The following PHTF2 variants were observed in gnomAD, a reference collection of about 807,000 sequenced individuals.
PHTF2 encodes putative homeodomain transcription factor 2.
A neutral mutation model predicts 101.2 loss-of-function variants in PHTF2; 60 were observed. The observed-to-expected ratio is 0.59, with a 90% confidence interval of 0.48 to 0.73. The LOEUF is 0.73. Among genes scored for constraint, PHTF2 ranks in the 30% least tolerant of loss-of-function variants. The pLI is 0.00. For missense variants in PHTF2, 747 were observed against 908.7 expected (o/e 0.82, Z 2.29); for synonymous variants, 311 against 307.3 (o/e 1.01, Z -0.13).
At position 77,924,677 on chromosome 7, in the gene PHTF2, C is replaced by G. The variant is rs571933034; in HGVS notation, c.1119+1899C>G. On this transcript the variant is annotated intron_variant, in intron 11 of 19. Coordinates refer to ENST00000416283, the Ensembl canonical transcript of PHTF2. Reference sequence around the variant, plus strand: ...TATTGTAAGATAATGGGTCAGGAACCTAGCCATTTGTTGTAAGCTTCCCAG... The same window carrying G: ...TATTGTAAGATAATGGGTCAGGAACGTAGCCATTTGTTGTAAGCTTCCCAG... Among the ~76,000 whole-genome samples, 11 of 152,226 alleles carry G rather than the reference C, an allele frequency of 7.2e-5. No homozygotes were observed. The East Asian group carries it at 1.9e-3, about 27-fold the overall frequency.
chr7:77,876,641 G>A (rs888691301), intron 3 of PHTF2, among the ~76,000 whole-genome samples: 2 of 152,114 alleles, frequency 1.3e-5, no homozygotes, highest in East Asian at 1.9e-4. Context: ...ATCTGTAATC[G>A]CAGCACTTTG....
chr7:77,821,425 T>A (rs1245202859), intron 1 of PHTF2, among the ~76,000 whole-genome samples: 1 of 152,142 alleles, frequency 6.6e-6, no homozygotes, highest in Admixed American at 6.5e-5. Flanking sequence ...TAAATATGTT[T>A]CCTTACCTTT....
In PHTF2 at chr7:77,910,375, A is replaced by G. The variant is rs1162980376; in HGVS notation, c.742A>G (p.Arg248Gly). 2.5e-6 allele frequency: 4 copies of G among 1,613,496 alleles called. No homozygotes were observed. In the South Asian group the frequency reaches 4.4e-5, roughly 18 times the overall value. Residue 248 changes from arginine to glycine, a missense_variant, in exon 9 of 20, where the codon AGA becomes GGA. Arg to Gly is a moderately radical substitution (Grantham distance 125). This residue lies in a region of PHTF2 where 349 missense variants were observed against 369.7 expected (regional missense o/e 0.94). Coordinates refer to ENST00000416283, the Ensembl canonical transcript of PHTF2. ...CTCTCACAGCGTTGGCACTGTCTTC[A>G]GAGATCTCTGGCATGCTGCTTTCTT...
intron 5 of PHTF2, among the ~76,000 whole-genome samples, chr7:77,899,275 A>G (rs1439036757): frequency 6.6e-6 from 1 of 152,210 alleles, no homozygotes; most frequent in Non-Finnish European, 1.5e-5. Context: ...CACTGTTTAC[A>G]GTAATCAGAG....
At chr7:77,866,000 A>G (rs879510829) in intron 3 of PHTF2, among the ~76,000 whole-genome samples, 1 of 152,084 alleles carries the variant, frequency 6.6e-6, no homozygotes, top group Non-Finnish European at 1.5e-5. Context: ...CCTGGCCAAT[A>G]TGGTGAAACC....
At chr7:77,872,353 T>A (rs938595523) in intron 3 of PHTF2, among the ~76,000 whole-genome samples, 2 of 152,230 alleles carry the variant, frequency 1.3e-5, no homozygotes, top group Non-Finnish European at 2.9e-5. Flanking sequence ...TTTTGACCAC[T>A]CAGAGAGGTC....
chr7:77,830,833 C>T (rs761170604), intron 1 of PHTF2, among the ~76,000 whole-genome samples: 3 of 152,170 alleles, frequency 2.0e-5, no homozygotes, highest in Non-Finnish European at 2.9e-5. Flanking sequence ...ATGCATGACC[C>T]GCCCATTATT....
At chr7:77,822,898 T>G (rs1794403420) in intron 1 of PHTF2, among the ~76,000 whole-genome samples, 1 of 146,014 alleles carries the variant, frequency 6.8e-6, no homozygotes, top group Non-Finnish European at 1.5e-5. Context: ...TTAAAAATAT[T>G]TAAATCTTTT....
At chr7:77,925,744 G>A (rs1171535863) in intron 11 of PHTF2, among the ~76,000 whole-genome samples, 1 of 152,026 alleles carries the variant, frequency 6.6e-6, no homozygotes, top group Non-Finnish European at 1.5e-5. Context: ...ACCACTCCCA[G>A]CCAGAGTTTT....
chr7:77,926,536 A>T (rs1804016398), intron 11 of PHTF2, among the ~76,000 whole-genome samples: 1 of 152,094 alleles, frequency 6.6e-6, no homozygotes, highest in African/African-American at 2.4e-5. Flanking sequence ...TTAATAATGT[A>T]CCTCATTCAC....
At chr7:77,903,985 C>T (rs142584149) in intron 7 of PHTF2, among the ~76,000 whole-genome samples, 79 of 152,286 alleles carry the variant, frequency 5.2e-4, no homozygotes, top group African/African-American at 1.9e-3. Flanking sequence ...ATTCTCAGCT[C>T]TATCCCCATT....
In PHTF2 at chr7:77,854,299, A is replaced by C. The variant is rs117750185; in HGVS notation, c.46-434A>C. Among the ~76,000 whole-genome samples, 1,002 of 152,266 alleles carry C rather than the reference A, an allele frequency of 6.6e-3. 10 individuals are homozygous for C. Among genetic ancestry groups the C allele is most frequent in the Middle Eastern group, 6.8e-3 (2 of 294 alleles). On this transcript the variant is annotated intron_variant, in intron 2 of 19. Transcript: ENST00000416283. Reference sequence around the variant, plus strand: ...TCCTTTCCTTTAGTTTTCACCAAACAAATGGAGTCTCTCTGTCTGCTGAGC... The same window carrying C: ...TCCTTTCCTTTAGTTTTCACCAAACCAATGGAGTCTCTCTGTCTGCTGAGC...
intron 11 of PHTF2, among the ~76,000 whole-genome samples, chr7:77,927,905 T>C (rs1419173468): frequency 6.6e-6 from 1 of 152,156 alleles, no homozygotes; most frequent in African/African-American, 2.4e-5. Flanking sequence ...GTAGCACATA[T>C]GAAGATGAGC....
intron 11 of PHTF2, among the ~76,000 whole-genome samples, chr7:77,927,750 A>T (rs1804195219): frequency 6.6e-6 from 1 of 152,224 alleles, no homozygotes; most frequent in Non-Finnish European, 1.5e-5. Context: ...GGAGTGCAGG[A>T]TTAATGATAA....
chr7:77,926,042 A>G (rs1803968803), intron 11 of PHTF2, among the ~76,000 whole-genome samples: 1 of 151,862 alleles, frequency 6.6e-6, no homozygotes. Flanking sequence ...TGACAGAGTG[A>G]GACTCCATCT....
At chr7:77,926,176 C>A (rs145084511) in intron 11 of PHTF2, among the ~76,000 whole-genome samples, 3 of 152,270 alleles carry the variant, frequency 2.0e-5, no homozygotes, top group Admixed American at 6.5e-5. Context: ...AGTCATCAGG[C>A]CTTTAATCCT....
chr7:77,850,360 C>CAAAAAAAA lies in PHTF2; in HGVS notation c.46-4355_46-4348dup, dbSNP rs71082789. On this transcript the variant is annotated intron_variant, in intron 2 of 19. Coordinates refer to ENST00000416283, the Ensembl canonical transcript of PHTF2. ...TGAAAGACAAAGCAAGACCTTGTCT[C>CAAAAAAAA]AAAAAAAAAAAAAAAAAAAAAAAAA... Among the ~76,000 whole-genome samples, 23 of 44,388 alleles carry CAAAAAAAA rather than the reference C, an allele frequency of 5.2e-4. 1 individual carries two copies. Among genetic ancestry groups the CAAAAAAAA allele is most frequent in the East Asian group, 1.4e-3 (2 of 1,384 alleles). 29.1% of individuals were successfully genotyped at this position (44,388 alleles called of 152,430 possible).
chr7:77,845,115 A>G (rs1796174998), intron 2 of PHTF2, among the ~76,000 whole-genome samples: 1 of 152,220 alleles, frequency 6.6e-6, no homozygotes, highest in Non-Finnish European at 1.5e-5. Context: ...AGGAGAGGGA[A>G]TGGAGTTACT....
chr7:77,807,124 T>G (rs1793055533), intron 1 of PHTF2, among the ~76,000 whole-genome samples: 3 of 152,238 alleles, frequency 2.0e-5, no homozygotes. Context: ...TGTACTGTTT[T>G]GTTCATCCAT....
Sources: gnomAD v4.1 joint callset for allele counts (sites outside exome capture counted in the v4.1 genomes callset) on GRCh38, gnomAD v4.1.1 for gene constraint, gnomAD v4.1.1 regional missense constraint, MANE v1.5 for transcripts, NCBI Gene and HGNC (gene_info 2026-07-23, HGNC 2026-07-21) for gene names.